Variants in OSBPL10 observed in about 807,000 individuals in gnomAD.
The protein encoded by OSBPL10 is oxysterol binding protein like 10, also known as oxysterol-binding protein-related protein 10.
A neutral mutation model predicts 81.7 loss-of-function variants in OSBPL10; 49 were observed. The ratio of observed to expected loss-of-function variants is 0.60; its 90% CI spans 0.48 to 0.76. The LOEUF (loss-of-function observed/expected upper bound fraction) is 0.76. Ranked by LOEUF, OSBPL10 falls within the 30% of genes least tolerant of loss-of-function variation. OSBPL10 has a pLI of 0.00. For synonymous variants in OSBPL10, 419 were observed against 383.6 expected (o/e 1.09, Z -1.08); for missense variants, 923 against 987.8 (o/e 0.93, Z 0.88).
intron 7 of OSBPL10, among the ~76,000 whole-genome samples, chr3:31,688,281 T>TTA (rs1700846354): frequency 1.8e-5 from 2 of 113,910 alleles, no homozygotes; most frequent in Non-Finnish European, 3.6e-5. Flanking sequence ...TCTCTCTCTC[T>TTA]CTCACACACA....
upstream of OSBPL10, among the ~76,000 whole-genome samples, chr3:31,984,693 C>G (rs1190735770): frequency 6.6e-6 from 1 of 152,202 alleles, no homozygotes; most frequent in African/African-American, 2.4e-5. Flanking sequence ...TCAGACCTCT[C>G]TTAAGCCTGT....
In OSBPL10 at chr3:31,980,888, TG is replaced by T; in HGVS notation, c.281+10del. 1 of 1,557,152 alleles carries T rather than the reference TG, an allele frequency of 6.4e-7. No individual in the cohort carries two copies. On this transcript the variant is annotated intron_variant, in intron 1 of 11. Coordinates refer to ENST00000396556, the MANE Select transcript of OSBPL10 (RefSeq NM_017784.5). ...AGCGGCGCGCGGTGGCGCGGGCGGCTGGCGCGTTACCTGTTCTGCCAGCCCT... is the reference window on the plus strand; with the variant it reads ...AGCGGCGCGCGGTGGCGCGGGCGGCTGCGCGTTACCTGTTCTGCCAGCCCT...
chr3:31,794,721 AGGGGG>A (rs1386969327), intron 4 of OSBPL10: 1 of 297,134 alleles, frequency 3.4e-6, no homozygotes, highest in South Asian at 4.4e-5. Flanking sequence ...CTCTGAGGGC[AGGGGG>A]GTCTCCCAAG....
At chr3:31,871,358 C>T (rs1235020447) in intron 3 of OSBPL10, among the ~76,000 whole-genome samples, 3 of 152,092 alleles carry the variant, frequency 2.0e-5, no homozygotes, top group Admixed American at 6.6e-5. Context: ...CCTCCTGAGC[C>T]AGCGAGACTA....
chr3:31,990,021 C>G (rs1175401582), intron 2 of OSBPL10: 1 of 1,613,990 alleles, frequency 6.2e-7, no homozygotes, highest in African/African-American at 1.3e-5. Context: ...AGAAACCTTA[C>G]AAATGTGAAG....
intron 3 of OSBPL10, among the ~76,000 whole-genome samples, chr3:31,837,620 C>T (rs927605800): frequency 7.1e-6 from 1 of 140,002 alleles, no homozygotes; most frequent in African/African-American, 2.6e-5. Context: ...GACTAGAAAA[C>T]AATCACTGTA....
chr3:32,069,111 A>G (rs1437858213), intron 1 of OSBPL10, among the ~76,000 whole-genome samples: 5 of 152,170 alleles, frequency 3.3e-5, no homozygotes, highest in Admixed American at 6.5e-5. Flanking sequence ...CTTTTTCTCT[A>G]TCAGACCTTT....
chr3:31,667,120 A>T (rs1330779067), intron 10 of OSBPL10, among the ~76,000 whole-genome samples: 2 of 152,260 alleles, frequency 1.3e-5, no homozygotes, highest in Non-Finnish European at 2.9e-5. Flanking sequence ...GCAGGTGATC[A>T]CAGTTTTGTT....
intron 4 of OSBPL10, among the ~76,000 whole-genome samples, chr3:31,761,963 G>T (rs928247952): frequency 6.6e-6 from 1 of 152,110 alleles, no homozygotes; most frequent in African/African-American, 2.4e-5. Flanking sequence ...CCTAAGCAAA[G>T]GGAGGGCAGT....
chr3:31,946,704 A>G (rs1697713010), intron 1 of OSBPL10, among the ~76,000 whole-genome samples: 2 of 152,246 alleles, frequency 1.3e-5, no homozygotes, highest in Admixed American at 1.3e-4. Context: ...ACAAGAAGCA[A>G]GGCTATGACA....
chr3:31,747,494 A>C (rs1697562778), intron 5 of OSBPL10, among the ~76,000 whole-genome samples: 1 of 151,006 alleles, frequency 6.6e-6, no homozygotes, highest in East Asian at 1.9e-4. Context: ...AAATAAAAAA[A>C]AAAAAAAAAA....
chr3:31,707,280 A>G (rs1027186546), intron 6 of OSBPL10: 4 of 152,226 alleles, frequency 2.6e-5, no homozygotes, highest in African/African-American at 7.2e-5. Flanking sequence ...TCCTAAAGCC[A>G]TCTTATGCCC....
chr3:31,824,008 C>T (rs1260301845), intron 4 of OSBPL10, among the ~76,000 whole-genome samples: 1 of 152,108 alleles, frequency 6.6e-6, no homozygotes, highest in African/African-American at 2.4e-5. Flanking sequence ...CATGCCACCA[C>T]ACCCAGCTAC....
At chr3:32,040,511 T>C (rs1224404161) in intron 2 of OSBPL10, among the ~76,000 whole-genome samples, 2 of 150,050 alleles carry the variant, frequency 1.3e-5, no homozygotes, top group East Asian at 2.0e-4. Context: ...AGGAGGTGGG[T>C]TCTTTGCAGC....
intron 5 of OSBPL10, among the ~76,000 whole-genome samples, chr3:31,734,147 G>T (rs1697075476): frequency 6.6e-6 from 1 of 152,168 alleles, no homozygotes; most frequent in Non-Finnish European, 1.5e-5. Context: ...GTGAGCACAG[G>T]ATGCCACCCC....
chr3:31,782,026 G>C (rs1698709719), intron 4 of OSBPL10, among the ~76,000 whole-genome samples: 1 of 152,180 alleles, frequency 6.6e-6, no homozygotes, highest in South Asian at 2.1e-4. Context: ...AACAAAGCCA[G>C]AGGCATCACA....
chr3:31,738,011 AAAG>A (rs1248135266), intron 5 of OSBPL10, among the ~76,000 whole-genome samples: 110 of 48,586 alleles, frequency 2.3e-3, no homozygotes, highest in East Asian at 0.014. Flanking sequence ...AAAAAAAAAA[AAAG>A]AAAGACAATA....
intron 3 of OSBPL10, among the ~76,000 whole-genome samples, chr3:31,858,193 G>GT (rs1215531943): frequency 1.3e-5 from 2 of 151,918 alleles, no homozygotes; most frequent in Admixed American, 6.6e-5. Context: ...GTAAGACAGG[G>GT]TTTCCCTATG....
intron 1 of OSBPL10, among the ~76,000 whole-genome samples, chr3:31,892,671 C>T: frequency 6.6e-6 from 1 of 152,156 alleles, no homozygotes; most frequent in Admixed American, 6.5e-5. Context: ...CAATGCTGAC[C>T]GGTAGTTCGA....
Sources: allele counts gnomAD v4.1 joint callset (sites outside exome capture counted in the v4.1 genomes callset), GRCh38; gene constraint gnomAD v4.1.1; transcripts MANE v1.5; gene names NCBI Gene and HGNC (gene_info 2026-07-23, HGNC 2026-07-21).